Variants in TNFAIP8 observed in about 807,000 individuals in gnomAD.
The protein encoded by TNFAIP8 is tumor necrosis factor alpha-induced protein 8.
TNFAIP8 carries 7 observed loss-of-function variants against 13.3 expected under a neutral mutation model. The ratio of observed to expected loss-of-function variants is 0.52; its 90% CI spans 0.30 to 0.99. TNFAIP8 has a LOEUF of 0.99. Among genes scored for constraint, TNFAIP8 ranks in the 50% least tolerant of loss-of-function variants. The pLI is 0.07. For missense variants in TNFAIP8, 258 were observed against 236.9 expected, an observed-to-expected ratio of 1.09 and a Z score of -0.58; for synonymous variants, 94 against 87.6, an observed-to-expected ratio of 1.07 and a Z score of -0.41.
At chr5:119,386,122 A>G (rs1256535455) in intron 1 of TNFAIP8, among the ~76,000 whole-genome samples, 1 of 152,206 alleles carries the variant, frequency 6.6e-6, no homozygotes, top group Non-Finnish European at 1.5e-5. Flanking sequence ...AAAGGTTCAT[A>G]CTGCAGTCTT....
chr5:119,387,171 C>T (rs1752715013), intron 1 of TNFAIP8, among the ~76,000 whole-genome samples: 1 of 152,116 alleles, frequency 6.6e-6, no homozygotes, highest in East Asian at 1.9e-4. Flanking sequence ...CAACTCTTCG[C>T]CTGCTGACTT....
Position 119,313,944 on chromosome 5 carries a change from G to A in TNFAIP8, c.1+45037G>A, listed in dbSNP as rs114529569. ...TAGGCATTCATGTGTGGGTTTTGAG[G>A]TTAAAGGGACAAACAAAATTAAGTT... On this transcript the variant is annotated intron_variant, in intron 1 of 1. Coordinates refer to the TNFAIP8 transcript ENST00000274456. 8.8e-3 allele frequency among the ~76,000 whole-genome samples: 1,333 copies of A among 152,292 alleles called. 17 individuals are homozygous for A. The highest frequency in any genetic ancestry group is 0.03 in the African/African-American group (1,242 of 41,568).
At chr5:119,300,711 T>TA (rs1230405808) in intron 1 of TNFAIP8, among the ~76,000 whole-genome samples, 3 of 152,206 alleles carry the variant, frequency 2.0e-5, no homozygotes, top group Non-Finnish European at 4.4e-5. Context: ...ATCCAGCAGC[T>TA]AGTCACTGTT....
intron 1 of TNFAIP8, among the ~76,000 whole-genome samples, chr5:119,290,966 T>G (rs77460730): frequency 0.01 from 1,544 of 152,266 alleles, 17 homozygotes; most frequent in African/African-American, 0.035. Flanking sequence ...TTGGACTTTC[T>G]TTGATTATTA....
intron 1 of TNFAIP8, among the ~76,000 whole-genome samples, chr5:119,303,679 C>T (rs1178901201): frequency 1.3e-5 from 2 of 152,160 alleles, no homozygotes; most frequent in East Asian, 3.9e-4. Flanking sequence ...AAGTTTCATG[C>T]AGTAACCATG....
chr5:119,325,087 A>G (rs916198370), intron 1 of TNFAIP8, among the ~76,000 whole-genome samples: 3 of 152,174 alleles, frequency 2.0e-5, no homozygotes, highest in Admixed American at 2.0e-4. Context: ...AAAAAATAAA[A>G]AAAAAAAGAC....
At chr5:119,280,615 T>G (rs1197828995) in intron 1 of TNFAIP8, among the ~76,000 whole-genome samples, 1 of 152,182 alleles carries the variant, frequency 6.6e-6, no homozygotes, top group African/African-American at 2.4e-5. Flanking sequence ...GGGAGACACA[T>G]GGGGTCTGGT....
chr5:119,378,571 C>G (rs887937863), intron 1 of TNFAIP8, among the ~76,000 whole-genome samples: 1 of 152,166 alleles, frequency 6.6e-6, no homozygotes, highest in Non-Finnish European at 1.5e-5. Context: ...CAAGAGGTTA[C>G]TGCTCCTAAA....
chr5:119,375,604 T>C (rs183934810), intron 1 of TNFAIP8, among the ~76,000 whole-genome samples: 1 of 152,222 alleles, frequency 6.6e-6, no homozygotes, highest in Admixed American at 6.5e-5. Context: ...ATGATCTTTT[T>C]AGTTATTTTC....
At chr5:119,373,956 G>A (rs565009327) in intron 1 of TNFAIP8, among the ~76,000 whole-genome samples, 1 of 152,210 alleles carries the variant, frequency 6.6e-6, no homozygotes, top group African/African-American at 2.4e-5. Context: ...GAAACTAATA[G>A]TATTGGTGTT....
At chr5:119,315,441 A>G (rs1749863408) in intron 1 of TNFAIP8, among the ~76,000 whole-genome samples, 1 of 151,754 alleles carries the variant, frequency 6.6e-6, no homozygotes, top group Non-Finnish European at 1.5e-5. Flanking sequence ...TTATGTGTGT[A>G]TGCATGTGTG....
Position 119,398,143 on chromosome 5 carries a change from G to C in TNFAIP8, c.*4762G>C, listed in dbSNP as rs193005689. 6.6e-5 allele frequency: 10 copies of C among 152,298 alleles called. No homozygotes were observed. The highest frequency in any genetic ancestry group is 1.5e-4 in the Non-Finnish European group (10 of 68,014). 9.4% of individuals were successfully genotyped at this position (152,298 alleles called of 1,614,324 possible). A position where few individuals can be genotyped will look rare whatever the true frequency, so the allele number is the denominator to read the frequency against. ...TCTTTATAAGATTAGACAGCCAGTGGATAAGGCCCCTTATCTTTCTTCATG... is the reference window on the plus strand; with the variant it reads ...TCTTTATAAGATTAGACAGCCAGTGCATAAGGCCCCTTATCTTTCTTCATG... On this transcript the variant is annotated 3_prime_UTR_variant, in exon 2 of 2. Transcript: ENST00000504771.
intron 1 of TNFAIP8, among the ~76,000 whole-genome samples, chr5:119,374,996 C>T (rs1444957081): frequency 6.6e-6 from 1 of 152,082 alleles, no homozygotes; most frequent in Non-Finnish European, 1.5e-5. Context: ...ATAGTAAAAA[C>T]CACTGAATTG....
chr5:119,292,949 T>G (rs983607485), intron 1 of TNFAIP8, among the ~76,000 whole-genome samples: 1 of 151,216 alleles, frequency 6.6e-6, no homozygotes, highest in African/African-American at 2.4e-5. Context: ...GTTCTTCTTC[T>G]TTTTTTTAAA....
intron 1 of TNFAIP8, among the ~76,000 whole-genome samples, chr5:119,289,812 A>G (rs1042995905): frequency 2.0e-5 from 3 of 152,210 alleles, no homozygotes; most frequent in South Asian, 2.1e-4. Flanking sequence ...AGATCTCTCT[A>G]TATTTTTGGC....
chr5:119,352,416 C>T (rs1751202339), upstream of TNFAIP8, among the ~76,000 whole-genome samples: 1 of 147,954 alleles, frequency 6.8e-6, no homozygotes, highest in South Asian at 2.1e-4. Context: ...TCAGCCTCAG[C>T]AGGTTAGAAA....
chr5:119,346,082 G>C (rs1339828229), intron 1 of TNFAIP8, among the ~76,000 whole-genome samples: 9 of 152,184 alleles, frequency 5.9e-5, no homozygotes, highest in Admixed American at 5.9e-4. Flanking sequence ...TTGCTGGAGA[G>C]GTCATGGCCT....
At position 119,393,170 on chromosome 5, in the gene TNFAIP8, C is replaced by A. The variant is rs1390864758; in HGVS notation, c.386C>A (p.Ser129Tyr). ...TATACCTTTGACCGGAATGTGTTATCCAGGCTGTTAAATGAATGCAGAGAG... is the reference window on the plus strand; with the variant it reads ...TATACCTTTGACCGGAATGTGTTATACAGGCTGTTAAATGAATGCAGAGAG... ...VDYTFDRNVL[S>Y]RLLNECREML... Residue 129 changes from serine to tyrosine, a missense_variant, in exon 2 of 2, where the codon TCC (serine) becomes TAC (tyrosine). Transcript: ENST00000504771. 2 of 1,613,880 alleles carry A rather than the reference C, an allele frequency of 1.2e-6. No individual in the cohort carries two copies. Among genetic ancestry groups the A allele is most frequent in the Non-Finnish European group, 1.7e-6 (2 of 1,179,892 alleles).
At chr5:119,272,923 G>A (rs1748332884) in intron 1 of TNFAIP8, among the ~76,000 whole-genome samples, 1 of 152,186 alleles carries the variant, frequency 6.6e-6, no homozygotes, top group South Asian at 2.1e-4. Flanking sequence ...AAGGGTTGCG[G>A]GCAGGTGGTC....
Sources: allele counts gnomAD v4.1 joint callset (sites outside exome capture counted in the v4.1 genomes callset), GRCh38; gene constraint gnomAD v4.1.1; transcripts MANE v1.5; gene names NCBI Gene and HGNC (gene_info 2026-07-23, HGNC 2026-07-21).